DPP6: variants seen among roughly 807,000 people sequenced by gnomAD.
DPP6 encodes the protein A-type potassium channel modulatory protein DPP6.
In DPP6, 69 loss-of-function variants were observed where a neutral mutation model predicts 122.6. The observed-to-expected ratio is 0.56, with a 90% CI of 0.46 to 0.69. DPP6 has a LOEUF of 0.69. DPP6 is among the 30% of genes least tolerant of loss of function. The pLI is 0.00. For missense variants in DPP6, 928 were observed against 1,116.9 expected, an observed-to-expected ratio of 0.83 and a Z score of 2.41; for synonymous variants, 418 against 433.1, an observed-to-expected ratio of 0.97 and a Z score of 0.43.
chr7:154,092,232 C>G (rs533021200), intron 1 of DPP6: 176 of 152,340 alleles, frequency 1.2e-3, no homozygotes, highest in African/African-American at 4.1e-3. Context: ...ATTATTTTCT[C>G]TCTTTCTGTA....
intron 3 of DPP6, among the ~76,000 whole-genome samples, chr7:154,526,523 C>G (rs1436892342): frequency 6.6e-6 from 1 of 152,068 alleles, no homozygotes; most frequent in African/African-American, 2.4e-5. Flanking sequence ...TGAAATGTGT[C>G]TAGTATAAAT....
intron 3 of DPP6, among the ~76,000 whole-genome samples, chr7:154,510,936 GCA>G (rs3056506): frequency 0.18 from 26,695 of 144,866 alleles, 3,083 homozygotes; most frequent in East Asian, 0.43. Context: ...ACACACACAT[GCA>G]CACACACACA....
At chr7:154,064,275 A>G (rs1386511278) in intron 1 of DPP6, among the ~76,000 whole-genome samples, 4 of 152,046 alleles carry the variant, frequency 2.6e-5, no homozygotes, top group African/African-American at 9.7e-5. Context: ...CTGCCATCTG[A>G]CCAGAGCTCT....
At chr7:153,871,894 G>T in the DPP6 span, among the ~76,000 whole-genome samples, 1 of 152,140 alleles carries the variant, frequency 6.6e-6, no homozygotes, top group Non-Finnish European at 1.5e-5. Flanking sequence ...TCGTCACTGT[G>T]ACTTCATCAG....
chr7:154,673,028 G>T (rs1470437111), intron 7 of DPP6, among the ~76,000 whole-genome samples: 1 of 152,082 alleles, frequency 6.6e-6, no homozygotes, highest in African/African-American at 2.4e-5. Flanking sequence ...CATGGGGAAA[G>T]CCTGACCCCA....
intron 1 of DPP6, among the ~76,000 whole-genome samples, chr7:154,370,071 C>T (rs891289061): frequency 6.6e-6 from 1 of 152,010 alleles, no homozygotes; most frequent in African/African-American, 2.4e-5. Flanking sequence ...CAACCTCCGC[C>T]TCTTGGGTTC....
In DPP6 at chr7:154,438,303, TA is replaced by T. The variant is rs536322315; in HGVS notation, c.244-7904del. 5.3e-5 allele frequency among the ~76,000 whole-genome samples: 8 copies of T among 150,652 alleles called. No individual in the cohort carries two copies. In the East Asian group the frequency reaches 1.4e-3, roughly 26 times the overall value. ...TGACACGGTGAAACCCCGTCTCGAC[TA>T]AAAAAATACAAAAAAATTAGCCGGG... On this transcript the variant is annotated intron_variant, in intron 1 of 25. Transcript: ENST00000377770.
chr7:154,861,148 T>C (rs1803358339), intron 17 of DPP6, among the ~76,000 whole-genome samples: 1 of 152,210 alleles, frequency 6.6e-6, no homozygotes, highest in Non-Finnish European at 1.5e-5. Context: ...AGTCTCATTA[T>C]AAAGTGGCCT....
At chr7:154,847,876 C>T (rs572677471) in intron 16 of DPP6, among the ~76,000 whole-genome samples, 20 of 152,278 alleles carry the variant, frequency 1.3e-4, no homozygotes, top group African/African-American at 2.4e-4. Flanking sequence ...TTTGTTTCTA[C>T]GAAATCAACA....
In DPP6 at chr7:154,889,446, T is replaced by A. The variant is rs575422339; in HGVS notation, c.2378-11T>A. On this transcript the variant is annotated splice_polypyrimidine_tract_variant and intron_variant, in intron 24 of 25. Coordinates refer to ENST00000377770, the MANE Select transcript of DPP6 (RefSeq NM_130797.4). ...TGTCTTCCTCTCTTTTTTTTTTTTTTTTTTGCACAGAAAAAATTCATTTCC... is the reference window on the plus strand; with the variant it reads ...TGTCTTCCTCTCTTTTTTTTTTTTTATTTTGCACAGAAAAAATTCATTTCC... The A allele has an allele frequency of 6.3e-7, 1 of 1,575,334 alleles. No individual in the cohort carries two copies. Among genetic ancestry groups the A allele is most frequent in the Non-Finnish European group, 8.6e-7 (1 of 1,163,828 alleles).
At chr7:154,692,381 G>A (rs1342987911) in intron 7 of DPP6, among the ~76,000 whole-genome samples, 2 of 152,254 alleles carry the variant, frequency 1.3e-5, no homozygotes, top group Non-Finnish European at 1.5e-5. Context: ...ATTAAGTCAC[G>A]TCCTAGTGAT....
intron 7 of DPP6, among the ~76,000 whole-genome samples, chr7:154,670,875 C>T (rs142439948): frequency 3.9e-5 from 6 of 152,230 alleles, no homozygotes; most frequent in Admixed American, 1.3e-4. Context: ...AAGATCGAGG[C>T]GGTGAAACTA....
intron 3 of DPP6, among the ~76,000 whole-genome samples, chr7:154,487,877 G>T (rs1586429298): frequency 6.6e-6 from 1 of 152,006 alleles, no homozygotes; most frequent in Non-Finnish European, 1.5e-5. Context: ...ACTGAGCACC[G>T]TCCCCTGTGA....
intron 1 of DPP6, among the ~76,000 whole-genome samples, chr7:154,074,043 GTATC>G (rs149932249): frequency 1.5e-4 from 23 of 148,408 alleles, no homozygotes; most frequent in East Asian, 4.0e-4. Flanking sequence ...ATGTATGTAA[GTATC>G]TATCTATATA....
intron 5 of DPP6, among the ~76,000 whole-genome samples, chr7:154,621,825 T>C (rs745843011): frequency 1.2e-4 from 19 of 152,140 alleles, no homozygotes; most frequent in Non-Finnish European, 2.4e-4. Context: ...AGGTGGCACT[T>C]CAACCTGCTG....
At chr7:154,649,762 A>G (rs947117730) in intron 6 of DPP6, among the ~76,000 whole-genome samples, 1 of 152,114 alleles carries the variant, frequency 6.6e-6, no homozygotes, top group Non-Finnish European at 1.5e-5. Context: ...CATCTCTCCA[A>G]ATGATCTCTC....
intron 1 of DPP6, among the ~76,000 whole-genome samples, chr7:154,431,530 CTTTCTT>C (rs1563660090): frequency 4.5e-5 from 4 of 89,776 alleles, no homozygotes; most frequent in Non-Finnish European, 7.7e-5. Flanking sequence ...TTCTTTCTTT[CTTTCTT>C]TTTTTTTTTT....
rs114787254 is a variant in DPP6 at position 154,798,293 on chromosome 7, G to A, written c.1299+2410G>A. On this transcript the variant is annotated intron_variant, in intron 12 of 25. Coordinates refer to ENST00000377770, the MANE Select transcript of DPP6 (RefSeq NM_130797.4). ...ACAGAGTAGCTACAGAGCCGAGGTC[G>A]TCAGCAGGACTTTCCTGTATTAGCG... Among the ~76,000 whole-genome samples the A allele has an allele frequency of 4.4e-3, 669 of 152,274 alleles. 4 individuals carry two copies. The highest frequency in any genetic ancestry group is 0.015 in the African/African-American group (630 of 41,564).
chr7:153,925,290 G>A (rs1468143420), intron 1 of DPP6, among the ~76,000 whole-genome samples: 2 of 151,814 alleles, frequency 1.3e-5, no homozygotes, highest in African/African-American at 4.8e-5. Context: ...GATGAAGGGA[G>A]ATCATCCCGC....
Sources: allele counts gnomAD v4.1 joint callset (sites outside exome capture counted in the v4.1 genomes callset), GRCh38; gene constraint gnomAD v4.1.1; transcripts MANE v1.5; gene names NCBI Gene and HGNC (gene_info 2026-07-23, HGNC 2026-07-21).